Variants in ARFIP1 observed in about 807,000 individuals in gnomAD.
ARFIP1 encodes the protein ARF interacting protein 1, also known as arfaptin-1.
In ARFIP1, 24 loss-of-function variants were observed where a neutral mutation model predicts 42.5. That is an observed-to-expected ratio of 0.57 (90% CI 0.41 to 0.80). The LOEUF is 0.80. Ranked by LOEUF, ARFIP1 falls within the 30% of genes least tolerant of loss-of-function variation. The pLI, the probability that ARFIP1 is intolerant of heterozygous loss-of-function variation, is 0.00. For missense variants in ARFIP1, 354 were observed against 434.0 expected (o/e 0.82, Z 1.64); for synonymous variants, 141 against 153.7 (o/e 0.92, Z 0.61).
intron 1 of ARFIP1, among the ~76,000 whole-genome samples, chr4:152,785,216 T>C (rs891306783): frequency 6.6e-6 from 1 of 152,256 alleles, no homozygotes; most frequent in African/African-American, 2.4e-5. Flanking sequence ...TATGTTACTC[T>C]GTTTAATACC....
intron 8 of ARFIP1, among the ~76,000 whole-genome samples, chr4:152,908,894 G>A (rs1485814178): frequency 4.8e-5 from 1 of 20,940 alleles, no homozygotes; most frequent in Admixed American, 5.6e-4. Context: ...AGAGAGAAGT[G>A]TGTGTGTGTG....
At chr4:152,900,343 G>T (rs981910387) in intron 8 of ARFIP1, among the ~76,000 whole-genome samples, 1 of 152,146 alleles carries the variant, frequency 6.6e-6, no homozygotes, top group African/African-American at 2.4e-5. Context: ...GCTGTTACTG[G>T]AGTCTATAGG....
intron 2 of ARFIP1, among the ~76,000 whole-genome samples, chr4:152,860,872 T>C (rs1561149114): frequency 6.6e-6 from 1 of 152,228 alleles, no homozygotes; most frequent in Non-Finnish European, 1.5e-5. Context: ...TTAGATTTCA[T>C]AGACAGCCTA....
intron 1 of ARFIP1, among the ~76,000 whole-genome samples, chr4:152,815,766 A>C (rs1729826315): frequency 9.3e-6 from 1 of 107,238 alleles, no homozygotes; most frequent in Non-Finnish European, 1.8e-5. Flanking sequence ...TTTTTTTGAG[A>C]CGGAGTCTCG....
chr4:152,804,234 TATATATA>T lies in ARFIP1; in HGVS notation c.-10+24021_-10+24027del, dbSNP rs1317759237. Among the ~76,000 whole-genome samples the T allele has an allele frequency of 6.8e-4, 77 of 112,740 alleles. 4 individuals carry two copies. Among genetic ancestry groups the T allele is most frequent in the African/African-American group, 1.4e-3 (36 of 26,548 alleles). The allele number at this position is 112,740 out of a possible 152,430, so 74.0% of individuals were successfully genotyped here. A position where few individuals can be genotyped will look rare whatever the true frequency, so the allele number is the denominator to read the frequency against. The stretch of plus-strand genomic sequence containing the variant: ...ATATTATATATAATATAACATGTAT[TATATATA>T]ATATATAATATAACATGTATTATAT... On this transcript the variant is annotated intron_variant, in intron 1 of 8. Coordinates refer to ENST00000353617, the MANE Select transcript of ARFIP1 (RefSeq NM_001025595.3).
At chr4:152,811,393 T>G (rs1011341583) in intron 1 of ARFIP1, among the ~76,000 whole-genome samples, 3 of 152,176 alleles carry the variant, frequency 2.0e-5, no homozygotes, top group African/African-American at 7.2e-5. Flanking sequence ...GTGTGGTATC[T>G]CTGAGGCTTT....
At chr4:152,897,072 A>G (rs1737401657) in intron 8 of ARFIP1, among the ~76,000 whole-genome samples, 1 of 152,206 alleles carries the variant, frequency 6.6e-6, no homozygotes, top group Non-Finnish European at 1.5e-5. Flanking sequence ...ATGGAAGAGG[A>G]AAAATTTGCT....
chr4:152,843,723 C>T (rs1051935118), intron 2 of ARFIP1, among the ~76,000 whole-genome samples: 14 of 152,140 alleles, frequency 9.2e-5, no homozygotes, highest in African/African-American at 3.1e-4. Flanking sequence ...ACAGGCCTCA[C>T]GCAGCTCGCA....
intron 2 of ARFIP1, among the ~76,000 whole-genome samples, chr4:152,845,804 C>T (rs1448025086): frequency 1.3e-5 from 2 of 152,156 alleles, no homozygotes; most frequent in Non-Finnish European, 2.9e-5. Flanking sequence ...TCCCAAGGAA[C>T]TTAAAACTAC....
chr4:152,833,002 A>G (rs1731367956), intron 2 of ARFIP1, among the ~76,000 whole-genome samples: 2 of 152,184 alleles, frequency 1.3e-5, no homozygotes, highest in African/African-American at 2.4e-5. Context: ...ATTTTTTGAT[A>G]TGATGTCAAA....
intron 1 of ARFIP1, among the ~76,000 whole-genome samples, chr4:152,795,297 T>A (rs1200309583): frequency 2.0e-5 from 3 of 152,180 alleles, no homozygotes; most frequent in African/African-American, 7.2e-5. Context: ...CTTTGCTTTT[T>A]TCAGTTAACA....
rs1365657069 is a variant in ARFIP1, at chr4:152,882,756, C to T, written c.667C>T (p.Leu223=). The T allele has an allele frequency of 6.2e-7, 1 of 1,613,448 alleles. No homozygotes were observed. The highest frequency in any genetic ancestry group is 2.2e-5 in the East Asian group (1 of 44,840). Residue 223 remains leucine (L), a synonymous_variant, in exon 7 of 9, where the codon CTG becomes TTG. Transcript: ENST00000353617. ...EFGYNADTQK[L]LAKNGETLLG... ...TGGCTATAATGCCGATACCCAGAAA[C>T]TGCTGGCTAAAAATGGAGAGACTCT...
At chr4:152,792,301 T>C (rs1029471209) in intron 1 of ARFIP1, among the ~76,000 whole-genome samples, 1 of 152,222 alleles carries the variant, frequency 6.6e-6, no homozygotes, top group Non-Finnish European at 1.5e-5. Flanking sequence ...CCTTTAGACA[T>C]TTCTTTGAAG....
At chr4:152,900,652 C>A (rs1315974410) in intron 8 of ARFIP1, among the ~76,000 whole-genome samples, 2 of 152,084 alleles carry the variant, frequency 1.3e-5, no homozygotes, top group African/African-American at 2.4e-5. Context: ...ACTCCACAAA[C>A]CTAATAAAAG....
intron 7 of ARFIP1, among the ~76,000 whole-genome samples, chr4:152,883,627 T>G (rs1410089475): frequency 6.6e-6 from 1 of 151,590 alleles, no homozygotes; most frequent in Non-Finnish European, 1.5e-5. Flanking sequence ...TATTCATATA[T>G]ATATGTATAT....
At chr4:152,866,405 TG>T (rs1314212224) in intron 3 of ARFIP1, among the ~76,000 whole-genome samples, 1 of 151,512 alleles carries the variant, frequency 6.6e-6, no homozygotes, top group Non-Finnish European at 1.5e-5. Context: ...GACGGGGTGG[TG>T]GCTGGGCAGA....
intron 4 of ARFIP1, 27 bp downstream of exon 4, chr4:152,870,875 C>T (rs1195552727): frequency 6.5e-7 from 1 of 1,548,352 alleles, no homozygotes; most frequent in African/African-American, 1.4e-5. Flanking sequence ...TTGGATAAAG[C>T]ACTTATTGCT....
chr4:152,808,373 CCA>C (rs1056619715), intron 1 of ARFIP1, among the ~76,000 whole-genome samples: 15 of 137,224 alleles, frequency 1.1e-4, no homozygotes, highest in African/African-American at 4.1e-4. Flanking sequence ...TATGACTCCA[CCA>C]CAGTTTATTT....
chr4:152,804,029 ATAACG>A (rs1209095368), intron 1 of ARFIP1, among the ~76,000 whole-genome samples: 5 of 133,376 alleles, frequency 3.7e-5, no homozygotes, highest in African/African-American at 1.1e-4. Context: ...TATATATAAT[ATAACG>A]TAATATATAT....
Sources: gnomAD v4.1 joint callset for allele counts (sites outside exome capture counted in the v4.1 genomes callset) on GRCh38, gnomAD v4.1.1 for gene constraint, MANE v1.5 for transcripts, NCBI Gene and HGNC (gene_info 2026-07-23, HGNC 2026-07-21) for gene names.